Variants in CCDC38 observed in about 807,000 individuals in gnomAD.
The protein encoded by CCDC38 is coiled-coil domain containing 38, also known as coiled-coil domain-containing protein 38.
In CCDC38, 69 loss-of-function variants were observed where a neutral mutation model predicts 72.8. The ratio of observed to expected loss-of-function variants is 0.95; its 90% CI spans 0.78 to 1.16. CCDC38 has a LOEUF of 1.16. Ranked by LOEUF, CCDC38 falls within the 50% of genes most tolerant of loss-of-function variation. The pLI is 0.00. For missense variants in CCDC38, 626 were observed against 638.9 expected (o/e 0.98, Z 0.22); for synonymous variants, 201 against 213.2 (o/e 0.94, Z 0.50).
intron 4 of CCDC38, 116 bp downstream of exon 4, chr12:95,917,013 C>A (rs1025492189): frequency 3.0e-6 from 2 of 658,670 alleles, no homozygotes; most frequent in Non-Finnish European, 4.7e-6. Flanking sequence ...ACTAAGACTC[C>A]CTACCATTAT....
chr12:95,901,932 T>C (rs1210584210), intron 5 of CCDC38, among the ~76,000 whole-genome samples: 1 of 152,042 alleles, frequency 6.6e-6, no homozygotes, highest in Non-Finnish European at 1.5e-5. Flanking sequence ...GGGCAGAAGA[T>C]GGTATGTAAT....
At chr12:95,886,501 A>G (rs2079760629) in intron 10 of CCDC38, among the ~76,000 whole-genome samples, 1 of 152,178 alleles carries the variant, frequency 6.6e-6, no homozygotes, top group Non-Finnish European at 1.5e-5. Flanking sequence ...ACTCTGCAAA[A>G]GACCCTATTA....
At chr12:95,911,941 CACAGCAAAT>C (rs2080098834) in intron 4 of CCDC38, among the ~76,000 whole-genome samples, 1 of 152,108 alleles carries the variant, frequency 6.6e-6, no homozygotes, top group Admixed American at 6.5e-5. Flanking sequence ...CAATGTTAAC[CACAGCAAAT>C]ACAGAGACTC....
chr12:95,931,746 T>C (rs2080341101), intron 2 of CCDC38, among the ~76,000 whole-genome samples: 1 of 152,178 alleles, frequency 6.6e-6, no homozygotes, highest in Admixed American at 6.5e-5. Flanking sequence ...ATTAATATAA[T>C]AAAGTAACTT....
intron 4 of CCDC38, among the ~76,000 whole-genome samples, chr12:95,913,161 C>A (rs948906769): frequency 6.6e-6 from 1 of 152,198 alleles, no homozygotes; most frequent in Non-Finnish European, 1.5e-5. Context: ...AGGAGGCCCA[C>A]ATCTTCCTGG....
intron 2 of CCDC38, among the ~76,000 whole-genome samples, chr12:95,920,839 G>C (rs886540353): frequency 6.6e-6 from 1 of 152,040 alleles, no homozygotes; most frequent in African/African-American, 2.4e-5. Context: ...CATTAAAAAA[G>C]CAAAAGAGGG....
chr12:95,870,495 G>A (rs958072327), intron 14 of CCDC38, among the ~76,000 whole-genome samples: 6 of 152,152 alleles, frequency 3.9e-5, no homozygotes, highest in African/African-American at 7.2e-5. Context: ...ATTAGGTGCC[G>A]TGTTAGGTGC....
At chr12:95,924,655 G>C (rs1182037305) in intron 2 of CCDC38, among the ~76,000 whole-genome samples, 2 of 151,114 alleles carry the variant, frequency 1.3e-5, no homozygotes, top group Non-Finnish European at 3.0e-5. Flanking sequence ...TTTTCTTCTA[G>C]GGTTTTTATG....
chr12:95,938,627 T>C (rs1367484971), intron 1 of CCDC38, among the ~76,000 whole-genome samples: 1 of 152,220 alleles, frequency 6.6e-6, no homozygotes, highest in Non-Finnish European at 1.5e-5. Context: ...TCTCCAGATG[T>C]TGTTATACTT....
At chr12:95,883,415 C>T (rs944727450) in intron 10 of CCDC38, among the ~76,000 whole-genome samples, 34 of 152,290 alleles carry the variant, frequency 2.2e-4, no homozygotes, top group African/African-American at 6.7e-4. Flanking sequence ...AGCCTCTCCC[C>T]CTTTTACCCA....
chr12:95,941,150 G>T (rs1221293550), intron 1 of CCDC38, among the ~76,000 whole-genome samples: 1 of 152,156 alleles, frequency 6.6e-6, no homozygotes, highest in African/African-American at 2.4e-5. Context: ...CTGTGAATCA[G>T]ATGCACAGTT....
At chr12:95,892,772 T>C (rs1241000411) in intron 8 of CCDC38, among the ~76,000 whole-genome samples, 1 of 151,890 alleles carries the variant, frequency 6.6e-6, no homozygotes. Context: ...GGTTTCACCA[T>C]GTTGGTCAGG....
chr12:95,889,832 C>T (rs538327964), intron 9 of CCDC38, among the ~76,000 whole-genome samples: 1 of 152,274 alleles, frequency 6.6e-6, no homozygotes, highest in South Asian at 2.1e-4. Context: ...TCCCAGACTT[C>T]AGATCTTGTG....
intron 10 of CCDC38, among the ~76,000 whole-genome samples, chr12:95,884,673 C>T (rs2079737673): frequency 6.6e-6 from 1 of 152,220 alleles, no homozygotes; most frequent in African/African-American, 2.4e-5. Context: ...TAATACCTTT[C>T]TCTTAGCTGC....
intron 1 of CCDC38, 51 bp from the exon 2 acceptor site, chr12:95,936,574 T>C: frequency 6.8e-7 from 1 of 1,472,110 alleles, no homozygotes; most frequent in East Asian, 2.3e-5. Flanking sequence ...GAACATCATA[T>C]AAAAGGGCTA....
At position 95,872,388 on chromosome 12, in the gene CCDC38, C is replaced by T; in HGVS notation, c.1351G>A (p.Asp451Asn). The change falls in exon 14 of 16, where the codon GAC becomes AAC. Residue 451 changes from aspartate to asparagine, a missense_variant. Physicochemically the swap from Asp to Asn is conservative, Grantham distance 23 (BLOSUM62 1). Transcript: ENST00000344280. ...AGCTTTTGAATTGGGTTGAGGCCGTCATCCTCAGCATCTCCAATGCAGACT... is the reference window on the plus strand; with the variant it reads ...AGCTTTTGAATTGGGTTGAGGCCGTTATCCTCAGCATCTCCAATGCAGACT... ...YKVCIGDAED[D>N]GLNPIQKLVK... 3 of 1,614,172 alleles carry T rather than the reference C, an allele frequency of 1.9e-6. No homozygotes were observed. The highest frequency in any genetic ancestry group is 2.5e-6 in the Non-Finnish European group (3 of 1,180,016).
chr12:95,921,492 G>A lies in CCDC38; in HGVS notation c.38-2516C>T, dbSNP rs2080207390. Among the ~76,000 whole-genome samples, 3 of 152,256 alleles carry A rather than the reference G, an allele frequency of 2.0e-5. No homozygotes were observed. In the South Asian group the frequency reaches 6.2e-4, roughly 32 times the overall value. On this transcript the variant is annotated intron_variant, in intron 2 of 15. Coordinates refer to ENST00000344280, the MANE Select transcript of CCDC38 (RefSeq NM_182496.3). ...CAAGCACCTTCTTCACAAGGTGGCAGGAGAGAGAAGCATGAAGGAGGAACT... is the reference window on the plus strand; with the variant it reads ...CAAGCACCTTCTTCACAAGGTGGCAAGAGAGAGAAGCATGAAGGAGGAACT...
At chr12:95,910,288 A>C (rs1490437354) in intron 4 of CCDC38, among the ~76,000 whole-genome samples, 2 of 146,112 alleles carry the variant, frequency 1.4e-5, no homozygotes, top group African/African-American at 5.1e-5. Context: ...TCAAGAATGC[A>C]ATCCCATTTA....
chr12:95,940,881 A>G (rs2080442740), intron 1 of CCDC38, among the ~76,000 whole-genome samples: 1 of 81,082 alleles, frequency 1.2e-5, no homozygotes, highest in African/African-American at 6.5e-5. Flanking sequence ...AAAAAAAACA[A>G]ACAAACAAAC....
Sources: allele counts gnomAD v4.1 joint callset (sites outside exome capture counted in the v4.1 genomes callset), GRCh38; gene constraint gnomAD v4.1.1; transcripts MANE v1.5; gene names NCBI Gene and HGNC (gene_info 2026-07-23, HGNC 2026-07-21).